Variants in CDH4 observed in about 807,000 individuals in gnomAD.
CDH4 encodes the protein cadherin 4, also known as cadherin-4.
In CDH4, 33 loss-of-function variants were observed where a neutral mutation model predicts 86.0. That is an observed-to-expected ratio of 0.38 (90% confidence interval 0.29 to 0.51). The LOEUF (loss-of-function observed/expected upper bound fraction) is 0.51, where lower values mean the gene tolerates loss of function less well. CDH4 is among the 20% of genes least tolerant of loss of function. The pLI is 0.86. For synonymous variants in CDH4, 555 were observed against 549.4 expected (o/e 1.01, Z -0.14); for missense variants, 1,114 against 1,307.4 (o/e 0.85, Z 2.28).
chr20:61,813,282 CA>C (rs2146050304), intron 4 of CDH4, among the ~76,000 whole-genome samples: 1 of 152,300 alleles, frequency 6.6e-6, no homozygotes, highest in Admixed American at 6.5e-5. Context: ...CCCAGGGCCA[CA>C]CCCTCGGGAG....
chr20:61,331,961 A>C (rs1043570296), intron 2 of CDH4, among the ~76,000 whole-genome samples: 3 of 152,140 alleles, frequency 2.0e-5, no homozygotes, highest in Non-Finnish European at 4.4e-5. Context: ...TGCGCCCCAC[A>C]GGGAAGGGAG....
At chr20:61,739,784 C>T (rs1488282878) in intron 2 of CDH4, among the ~76,000 whole-genome samples, 3 of 152,230 alleles carry the variant, frequency 2.0e-5, no homozygotes, top group Non-Finnish European at 2.9e-5. Context: ...CGCTCCCGGC[C>T]GCTGCAGAGG....
chr20:61,455,878 G>C (rs975117759), intron 2 of CDH4, among the ~76,000 whole-genome samples: 2 of 152,180 alleles, frequency 1.3e-5, no homozygotes, highest in African/African-American at 4.8e-5. Flanking sequence ...TGCAGGTGTG[G>C]ATAGATGGAT....
rs762536374 is a variant in CDH4 at position 61,928,398 on chromosome 20, G to A, written c.1980G>A (p.Lys660=). The A allele has an allele frequency of 5.6e-6, 9 of 1,611,990 alleles. No individual in the cohort carries two copies. In the South Asian group the frequency reaches 9.9e-5, roughly 18 times the overall value. ...CCTTTGTCCCGGCGGCCGTGCGGAA[G>A]AACTGGACCATCACCCGCCTGAACG... The part of the protein sequence containing the change: ...ELPFVPAAVR[K]NWTITRLNGD... Residue 660 remains lysine, a synonymous_variant, in exon 12 of 16, where the codon AAG becomes AAA. Transcript: ENST00000614565.
chr20:61,546,029 GTGTT>G (rs2086079717), intron 2 of CDH4, among the ~76,000 whole-genome samples: 1 of 142,708 alleles, frequency 7.0e-6, no homozygotes, highest in South Asian at 2.3e-4. Context: ...GATACGGTGT[GTGTT>G]CGTGTGTGTG....
chr20:61,709,194 A>G lies in CDH4; in HGVS notation c.170-34369A>G, dbSNP rs1276520341. ...CAGGGGAGTGCAAGCAAATGCAGGA[A>G]ACTGGGGCCAGGCTGGGCCACTGTC... On this transcript the variant is annotated intron_variant, in intron 2 of 15. Transcript: ENST00000614565. The surrounding 1 kb of genome is among the most constrained non-coding windows in gnomAD (Gnocchi z 4.8). 2.0e-5 allele frequency among the ~76,000 whole-genome samples: 3 copies of G among 152,240 alleles called. No homozygotes were observed. Among genetic ancestry groups the G allele is most frequent in the Non-Finnish European group, 4.4e-5 (3 of 68,034 alleles).
At chr20:61,917,282 A>T (rs1388727523) in intron 9 of CDH4, among the ~76,000 whole-genome samples, 1 of 152,090 alleles carries the variant, frequency 6.6e-6, no homozygotes, top group Non-Finnish European at 1.5e-5. Context: ...TGTTACCATC[A>T]TACCCTCCTC....
At chr20:61,465,881 A>T (rs561295897) in intron 2 of CDH4, among the ~76,000 whole-genome samples, 152 of 145,838 alleles carry the variant, frequency 1.0e-3, no homozygotes, top group Non-Finnish European at 1.6e-3. Flanking sequence ...TTTTTTTTGC[A>T]GGGTGGCAGG....
intron 4 of CDH4, among the ~76,000 whole-genome samples, chr20:61,788,385 G>A (rs1978997925): frequency 6.6e-6 from 1 of 152,210 alleles, no homozygotes; most frequent in Non-Finnish European, 1.5e-5. Flanking sequence ...GCACAGCGTA[G>A]GTTCTGGTTA....
At chr20:61,782,697 G>A (rs145402668) in intron 4 of CDH4, among the ~76,000 whole-genome samples, 9 of 152,330 alleles carry the variant, frequency 5.9e-5, no homozygotes, top group African/African-American at 9.6e-5. Context: ...AGGTTCTGAC[G>A]TTGCTGGTTA....
chr20:61,695,368 G>A (rs1195959981), intron 2 of CDH4, among the ~76,000 whole-genome samples: 1 of 152,152 alleles, frequency 6.6e-6, no homozygotes, highest in African/African-American at 2.4e-5. Flanking sequence ...TATTCCACGG[G>A]GCCCTGCAAA....
At chr20:61,733,886 G>A (rs2088228275) in intron 2 of CDH4, among the ~76,000 whole-genome samples, 1 of 152,204 alleles carries the variant, frequency 6.6e-6, no homozygotes, top group African/African-American at 2.4e-5. Context: ...GGTGTGTTTT[G>A]TAACTGCAGC....
At position 61,722,698 on chromosome 20, in the gene CDH4, A is replaced by AG. The variant is rs2088056926; in HGVS notation, c.170-20865_170-20864insG. 2.2e-5 allele frequency among the ~76,000 whole-genome samples: 3 copies of AG among 138,556 alleles called. No homozygotes were observed. In the East Asian group the frequency reaches 6.0e-4, roughly 28 times the overall value. 90.9% of individuals were successfully genotyped at this position (138,556 alleles called of 152,430 possible). A position where few individuals can be genotyped will look rare whatever the true frequency, so the allele number is the denominator to read the frequency against. On this transcript the variant is annotated intron_variant, in intron 2 of 15. Transcript: ENST00000614565. ...GACCAGCATCACGCTCTGCTCTTTC[A>AG]AGTGACAAGATCTGGGAGCAGTTTG...
At chr20:61,357,925 A>G (rs2084760957) in intron 2 of CDH4, among the ~76,000 whole-genome samples, 1 of 151,966 alleles carries the variant, frequency 6.6e-6, no homozygotes, top group Non-Finnish European at 1.5e-5. Flanking sequence ...CACCGACATA[A>G]TTATCTCTTG....
chr20:61,850,078 C>T (rs565196886), intron 5 of CDH4, among the ~76,000 whole-genome samples: 12 of 152,336 alleles, frequency 7.9e-5, no homozygotes, highest in East Asian at 3.9e-4. Flanking sequence ...AACATTCAAA[C>T]GCACAACACG....
intron 7 of CDH4, among the ~76,000 whole-genome samples, chr20:61,875,287 C>T (rs1464247178): frequency 6.6e-6 from 1 of 152,140 alleles, no homozygotes; most frequent in Non-Finnish European, 1.5e-5. Flanking sequence ...ATTCCTAAAT[C>T]GTAAGGGGGT....
intron 2 of CDH4, among the ~76,000 whole-genome samples, chr20:61,329,631 C>T (rs774868802): frequency 6.6e-6 from 1 of 151,988 alleles, no homozygotes; most frequent in African/African-American, 2.4e-5. Context: ...GCTCTCCTCT[C>T]AGAGCTTAGC....
chr20:61,326,789 A>T (rs1019342492), intron 2 of CDH4, among the ~76,000 whole-genome samples: 4 of 152,176 alleles, frequency 2.6e-5, no homozygotes, highest in Non-Finnish European at 5.9e-5. Context: ...TGGAGGAAAA[A>T]TGTATTTGAT....
In CDH4 at chr20:61,322,128, C is replaced by T. The variant is rs1600864849; in HGVS notation, c.169+67191C>T. Among the ~76,000 whole-genome samples the T allele has an allele frequency of 2.6e-5, 4 of 152,242 alleles. No individual in the cohort carries two copies. In the South Asian group the frequency reaches 8.3e-4, roughly 32 times the overall value. On this transcript the variant is annotated intron_variant, in intron 2 of 15. Transcript: ENST00000614565. ...CAGTTCTTCCGGGTCCTTGTACTTG[C>T]TTCGGGGATGGTTATTTATTCATTC...
Sources: gnomAD v4.1 joint callset for allele counts (sites outside exome capture counted in the v4.1 genomes callset) on GRCh38, gnomAD v4.1.1 for gene constraint, Gnocchi (gnomAD v3.1) non-coding constraint, MANE v1.5 for transcripts, NCBI Gene and HGNC (gene_info 2026-07-23, HGNC 2026-07-21) for gene names.